Variants in PLAAT3 observed in about 807,000 individuals in gnomAD.
PLAAT3 encodes Ca-independent phospholipase A1/2.
A neutral mutation model predicts 16.7 loss-of-function variants in PLAAT3; 21 were observed. That is an observed-to-expected ratio of 1.26 (90% CI 0.89 to 1.81). The LOEUF (loss-of-function observed/expected upper bound fraction) is 1.81, where lower values mean the gene tolerates loss of function less well. PLAAT3 is among the 40% of genes most tolerant of loss of function. The pLI is 0.00. For missense variants in PLAAT3, 219 were observed against 213.7 expected (o/e 1.02, Z -0.16); for synonymous variants, 76 against 81.7 (o/e 0.93, Z 0.38).
intron 4 of PLAAT3, among the ~76,000 whole-genome samples, chr11:63,587,466 C>A (rs886267686): frequency 6.6e-6 from 1 of 151,492 alleles, no homozygotes; most frequent in Non-Finnish European, 1.5e-5. Flanking sequence ...GAATTCTATA[C>A]CCAGCCAAAT....
intron 4 of PLAAT3, among the ~76,000 whole-genome samples, chr11:63,588,578 A>G (rs1298343773): frequency 6.6e-6 from 1 of 152,002 alleles, no homozygotes; most frequent in Non-Finnish European, 1.5e-5. Context: ...GCTCTTATCA[A>G]CTCTCAGGGA....
chr11:63,579,134 A>C (rs1460888009), intron 4 of PLAAT3, among the ~76,000 whole-genome samples: 1 of 152,258 alleles, frequency 6.6e-6, no homozygotes. Flanking sequence ...GCTCATCATC[A>C]CTGGCCATCA....
At chr11:63,589,154 G>T (rs1938066119) in intron 4 of PLAAT3, among the ~76,000 whole-genome samples, 1 of 151,904 alleles carries the variant, frequency 6.6e-6, no homozygotes. Flanking sequence ...AAAGTGTAGG[G>T]AGCTGGACTA....
intron 4 of PLAAT3, among the ~76,000 whole-genome samples, chr11:63,585,239 G>A (rs1297000243): frequency 6.6e-6 from 1 of 152,018 alleles, no homozygotes; most frequent in Non-Finnish European, 1.5e-5. Flanking sequence ...TGGCCAGTAT[G>A]GTCTCGATCT....
chr11:63,586,429 C>T (rs189774150), intron 4 of PLAAT3, among the ~76,000 whole-genome samples: 9 of 152,312 alleles, frequency 5.9e-5, no homozygotes, highest in Admixed American at 1.3e-4. Context: ...CCACCACGCC[C>T]GGCCAGCCCC....
upstream of PLAAT3, among the ~76,000 whole-genome samples, chr11:63,615,086 A>ATGTGTATATG (rs1938810164): frequency 9.9e-5 from 2 of 20,192 alleles, no homozygotes; most frequent in Non-Finnish European, 3.3e-4. Context: ...GTGTGTATAT[A>ATGTGTATATG]TGTGTATATA....
At chr11:63,613,809 C>T (rs892780509) in intron 2 of PLAAT3, among the ~76,000 whole-genome samples, 191 bp downstream of exon 2, 3 of 152,258 alleles carry the variant, frequency 2.0e-5, no homozygotes, top group African/African-American at 4.8e-5. Flanking sequence ...CCCGGAAGGA[C>T]GCGCCGAGAC....
intron 2 of PLAAT3, among the ~76,000 whole-genome samples, chr11:63,610,432 TTCCGTCTAATTCACCATTA>T (rs1244250158): frequency 6.6e-6 from 1 of 152,202 alleles, no homozygotes; most frequent in Non-Finnish European, 1.5e-5. Context: ...AGGACCAGAA[TTCCGTCTAATTCACCATTA>T]TCCAGCCTGG....
At chr11:63,605,806 A>G (rs900957492) in intron 2 of PLAAT3, among the ~76,000 whole-genome samples, 58 of 151,668 alleles carry the variant, frequency 3.8e-4, no homozygotes, top group African/African-American at 1.4e-3. Context: ...CCCGCCTCAG[A>G]CTCCCAAGGT....
intron 2 of PLAAT3, 23 bp from the exon 3 acceptor site, chr11:63,598,186 G>A (rs551883033): frequency 2.6e-6 from 4 of 1,517,798 alleles, no homozygotes; most frequent in East Asian, 4.5e-5. Context: ...GAACAGGGCT[G>A]TTAGAGGGAG....
rs762434831 is a variant in PLAAT3, at chr11:63,590,080, G to A, written c.387+20C>T. 6.1e-5 allele frequency: 98 copies of A among 1,606,794 alleles called. No individual in the cohort carries two copies. The highest frequency in any genetic ancestry group is 2.2e-4 in the East Asian group (10 of 44,774). On this transcript the variant is annotated intron_variant, in intron 4 of 4. Coordinates refer to ENST00000415826, the MANE Select transcript of PLAAT3 (RefSeq NM_001128203.2). ...GAATGGTCTGGTTCCTGGGGAAGGC[G>A]ACACAGGCAGAGGACGCACCTGGTC...
At chr11:63,597,638 C>T (rs79673723) in intron 3 of PLAAT3, among the ~76,000 whole-genome samples, 1 of 152,184 alleles carries the variant, frequency 6.6e-6, no homozygotes, top group African/African-American at 2.4e-5. Flanking sequence ...AGATCCCTTG[C>T]GTGTGCAGTT....
chr11:63,600,776 G>C (rs923118604), intron 2 of PLAAT3, among the ~76,000 whole-genome samples: 1 of 150,978 alleles, frequency 6.6e-6, no homozygotes, highest in Non-Finnish European at 1.5e-5. Flanking sequence ...CTAATTTTTT[G>C]TATTTTTAGT....
At chr11:63,611,823 G>A (rs1228682137) in intron 2 of PLAAT3, among the ~76,000 whole-genome samples, 1 of 152,190 alleles carries the variant, frequency 6.6e-6, no homozygotes, top group Non-Finnish European at 1.5e-5. Context: ...AAAAACTTGG[G>A]GAATTTTGCC....
intron 1 of PLAAT3, 63 bp from the exon 2 acceptor site, chr11:63,614,131 G>A: frequency 7.1e-7 from 1 of 1,416,370 alleles, no homozygotes; most frequent in South Asian, 1.2e-5. Context: ...AGACCCCACG[G>A]GACTGCGGCT....
chr11:63,588,120 A>G (rs1214521369), intron 4 of PLAAT3, among the ~76,000 whole-genome samples: 1 of 152,068 alleles, frequency 6.6e-6, no homozygotes, highest in Non-Finnish European at 1.5e-5. Context: ...CCTAGGCTGG[A>G]GTGCAGTGGT....
intron 2 of PLAAT3, among the ~76,000 whole-genome samples, chr11:63,601,461 C>CCAAGCTCAACACATAATTACGCT (rs1938428330): frequency 6.6e-6 from 1 of 151,058 alleles, no homozygotes; most frequent in South Asian, 2.1e-4. Context: ...ATACATATTC[C>CCAAGCTCAACACATAATTACGCT]CAAGCTCAAC....
upstream of PLAAT3, among the ~76,000 whole-genome samples, chr11:63,615,386 ATGTGTATATATGTGTGTATATGTG>A (rs1938846644): frequency 1.9e-5 from 1 of 52,604 alleles, no homozygotes; most frequent in African/African-American, 5.4e-5. Flanking sequence ...GTGTATATAT[ATGTGTATATATGTGTGTATATGTG>A]TGTGTGTGTG....
chr11:63,616,548 C>T (rs1938877891), upstream of PLAAT3: 1 of 152,054 alleles, frequency 6.6e-6, no homozygotes. Context: ...CAGGCGTGAG[C>T]TACCGGGCCC....
Sources: allele counts gnomAD v4.1 joint callset (sites outside exome capture counted in the v4.1 genomes callset), GRCh38; gene constraint gnomAD v4.1.1; transcripts MANE v1.5; gene names NCBI Gene and HGNC (gene_info 2026-07-23, HGNC 2026-07-21).